The following TMEM117 variants were observed in gnomAD, a reference collection of about 807,000 sequenced individuals.
TMEM117 encodes the protein transmembrane protein 117.
A neutral mutation model predicts 52.4 loss-of-function variants in TMEM117; 27 were observed. The ratio of observed to expected loss-of-function variants is 0.51; its 90% CI spans 0.38 to 0.71. TMEM117 has a LOEUF of 0.71. Ranked by LOEUF, TMEM117 falls within the 30% of genes least tolerant of loss-of-function variation. TMEM117 has a pLI of 0.00. For synonymous variants in TMEM117, 215 were observed against 206.3 expected, an observed-to-expected ratio of 1.04 and a Z score of -0.36; for missense variants, 556 against 630.5, an observed-to-expected ratio of 0.88 and a Z score of 1.26.
At chr12:43,850,270 A>G (rs1436344339) in intron 2 of TMEM117, among the ~76,000 whole-genome samples, 1 of 152,232 alleles carries the variant, frequency 6.6e-6, no homozygotes, top group African/African-American at 2.4e-5. Context: ...AGGCCTTCTC[A>G]GAACTAGGGT....
chr12:44,107,491 T>C (rs1049121910), intron 3 of TMEM117, among the ~76,000 whole-genome samples: 1 of 152,128 alleles, frequency 6.6e-6, no homozygotes, highest in African/African-American at 2.4e-5. Flanking sequence ...CATTGTCACA[T>C]TTAATTGAAG....
chr12:44,373,826 G>T (rs2138843368), intron 6 of TMEM117, among the ~76,000 whole-genome samples: 1 of 128,950 alleles, frequency 7.8e-6, no homozygotes, highest in East Asian at 2.6e-4. Flanking sequence ...CTGTCACCCA[G>T]GCTGGAGTAC....
At chr12:44,333,087 A>G (rs751056811) in intron 6 of TMEM117, among the ~76,000 whole-genome samples, 1 of 152,016 alleles carries the variant, frequency 6.6e-6, no homozygotes, top group South Asian at 2.1e-4. Context: ...TTCAAAACTG[A>G]TGGCAATTGT....
the TMEM117 span, chr12:43,806,471 C>G: frequency 1.1e-6 from 1 of 924,070 alleles, no homozygotes; most frequent in Non-Finnish European, 1.3e-6. Context: ...TATCCTAGTT[C>G]TCTGCTTGGG....
At chr12:44,249,420 GTAATT>G (rs550910441) in intron 5 of TMEM117, among the ~76,000 whole-genome samples, 2 of 152,108 alleles carry the variant, frequency 1.3e-5, no homozygotes, top group Non-Finnish European at 2.9e-5. Flanking sequence ...ACTCTCCAAA[GTAATT>G]TATAGATTCA....
chr12:44,373,955 T>A (rs1454204682), intron 6 of TMEM117, among the ~76,000 whole-genome samples: 1 of 151,800 alleles, frequency 6.6e-6, no homozygotes, highest in Non-Finnish European at 1.5e-5. Flanking sequence ...CTAATTTTTG[T>A]ATTTTTGGTA....
Position 44,211,285 on chromosome 12 carries a change from T to A in TMEM117, c.511-5T>A. ...GTGCTGAATAAGTTCCTTTCATTGCTTCAGGTCACTGATATGATGCTTCAG... is the reference window on the plus strand; with the variant it reads ...GTGCTGAATAAGTTCCTTTCATTGCATCAGGTCACTGATATGATGCTTCAG... On this transcript the variant is annotated splice_polypyrimidine_tract_variant and splice_region_variant and intron_variant, in intron 4 of 7. Coordinates refer to ENST00000266534, the MANE Select transcript of TMEM117 (RefSeq NM_032256.3). The A allele has an allele frequency of 6.2e-7, 1 of 1,601,098 alleles. No homozygotes were observed. Among genetic ancestry groups the A allele is most frequent in the Non-Finnish European group, 8.5e-7 (1 of 1,170,896 alleles).
chr12:44,079,021 G>A (rs956683041), intron 3 of TMEM117, among the ~76,000 whole-genome samples: 1 of 151,812 alleles, frequency 6.6e-6, no homozygotes, highest in Non-Finnish European at 1.5e-5. Context: ...CTTCATCTAT[G>A]TCCCTGCAAA....
intron 3 of TMEM117, among the ~76,000 whole-genome samples, chr12:44,095,628 G>C (rs995320367): frequency 1.3e-5 from 2 of 152,016 alleles, no homozygotes; most frequent in Non-Finnish European, 2.9e-5. Context: ...AAGATGAATA[G>C]GAGAGAGAGA....
intron 6 of TMEM117, among the ~76,000 whole-genome samples, chr12:44,343,327 TCA>T (rs1352995828): frequency 9.9e-5 from 15 of 152,194 alleles, no homozygotes; most frequent in African/African-American, 3.6e-4. Flanking sequence ...ACTCTCCCTT[TCA>T]GTTGTTATTT....
chr12:44,013,508 C>T (rs1251592827), intron 3 of TMEM117, among the ~76,000 whole-genome samples: 10 of 152,130 alleles, frequency 6.6e-5, no homozygotes, highest in Admixed American at 6.6e-4. Context: ...GAGGGCAGGC[C>T]TTGCAAAGAA....
At chr12:43,847,365 ATTC>A (rs144911035) in intron 2 of TMEM117, among the ~76,000 whole-genome samples, 2,135 of 152,282 alleles carry the variant, frequency 0.014, 31 homozygotes, top group East Asian at 0.046. Context: ...GAAGGTGAAT[ATTC>A]TTCTCTCTGT....
rs1483387091 is a variant in TMEM117, at chr12:44,369,973, T to C, written c.769-6622T>C. Among the ~76,000 whole-genome samples the C allele has an allele frequency of 3.3e-5, 5 of 152,162 alleles. No homozygotes were observed. The East Asian group carries it at 9.6e-4, about 29-fold the overall frequency. The stretch of plus-strand genomic sequence containing the variant: ...ACATCTAGGAAGTAACCTCCTGCAA[T>C]GTCTCTATTGTTCATCCTTCAAATT... On this transcript the variant is annotated intron_variant, in intron 6 of 7. Coordinates refer to ENST00000266534, the MANE Select transcript of TMEM117 (RefSeq NM_032256.3).
intron 5 of TMEM117, among the ~76,000 whole-genome samples, chr12:44,213,657 G>C (rs111952639): frequency 3.3e-5 from 5 of 152,276 alleles, no homozygotes; most frequent in African/African-American, 1.2e-4. Context: ...TCACCCCCTT[G>C]CTGTTCACGT....
At chr12:44,282,688 C>T (rs1052297750) in intron 5 of TMEM117, among the ~76,000 whole-genome samples, 1 of 152,196 alleles carries the variant, frequency 6.6e-6, no homozygotes, top group African/African-American at 2.4e-5. Flanking sequence ...ATATTTGCAG[C>T]CTGACTATGT....
chr12:44,320,578 C>G (rs1951116976), intron 6 of TMEM117, among the ~76,000 whole-genome samples: 1 of 152,142 alleles, frequency 6.6e-6, no homozygotes, highest in Non-Finnish European at 1.5e-5. Context: ...TTTTGAAATA[C>G]TTGTTGATTA....
intron 2 of TMEM117, among the ~76,000 whole-genome samples, chr12:43,874,249 C>T (rs944174816): frequency 6.6e-6 from 1 of 152,040 alleles, no homozygotes; most frequent in African/African-American, 2.4e-5. Context: ...TAATTTGTCT[C>T]CTCATTTCAT....
chr12:44,345,751 T>C (rs1486162603), intron 6 of TMEM117, among the ~76,000 whole-genome samples: 8 of 152,234 alleles, frequency 5.3e-5, no homozygotes, highest in African/African-American at 1.9e-4. Context: ...ATTTCCTGGT[T>C]GTTATTGTTA....
chr12:44,397,153 G>A, the TMEM117 span, among the ~76,000 whole-genome samples: 1 of 152,150 alleles, frequency 6.6e-6, no homozygotes, highest in Non-Finnish European at 1.5e-5. Flanking sequence ...AAGCATGAGA[G>A]AGTTAAAACA....
Sources: allele counts gnomAD v4.1 joint callset (sites outside exome capture counted in the v4.1 genomes callset), GRCh38; gene constraint gnomAD v4.1.1; transcripts MANE v1.5; gene names NCBI Gene and HGNC (gene_info 2026-07-23, HGNC 2026-07-21).